UGT2A3: variants seen among roughly 807,000 people sequenced by gnomAD.
UGT2A3 encodes the protein UDP-glucuronosyltransferase 2A3.
In UGT2A3, 55 loss-of-function variants were observed where a neutral mutation model predicts 44.1. The ratio of observed to expected loss-of-function variants is 1.25; its 90% CI spans 1.00 to 1.56. UGT2A3 has a LOEUF of 1.56. Among genes scored for constraint, UGT2A3 ranks in the 40% most tolerant of loss-of-function variants. The pLI, the probability that UGT2A3 is intolerant of heterozygous loss-of-function variation, is 0.00. For missense variants in UGT2A3, 733 were observed against 621.6 expected, an observed-to-expected ratio of 1.18 and a Z score of -1.91; for synonymous variants, 243 against 215.1, an observed-to-expected ratio of 1.13 and a Z score of -1.13.
chr4:68,930,573 G>A lies in UGT2A3; in HGVS notation c.1277C>T (p.Ala426Val), dbSNP rs1350630437. Residue 426 changes from alanine to valine, a missense_variant, in exon 5 of 6, where the codon GCT (alanine) becomes GTT (valine). Ala to Val is a moderately conservative substitution (Grantham distance 64). Coordinates refer to ENST00000251566, the MANE Select transcript of UGT2A3 (RefSeq NM_024743.4). ...GGAATCGGTAATGACTGTTCTCAAA[G>A]CCCTCAGTAAATCTTCGCTTGTCAT... ...KTMTSEDLLR[A>V]LRTVITDSSY... 4 of 1,612,428 alleles carry A rather than the reference G, an allele frequency of 2.5e-6. No individual in the cohort carries two copies. Among genetic ancestry groups the A allele is most frequent in the Non-Finnish European group, 3.4e-6 (4 of 1,179,076 alleles).
At chr4:68,940,855 C>T (rs1383864946) in intron 2 of UGT2A3, among the ~76,000 whole-genome samples, 1 of 150,492 alleles carries the variant, frequency 6.6e-6, no homozygotes, top group Non-Finnish European at 1.5e-5. Flanking sequence ...AAAACAGATA[C>T]ATACACCAAT....
rs550051643 is a variant in UGT2A3, at chr4:68,942,077, C to T, written c.864+3229G>A. Reference sequence around the variant, plus strand: ...AGTAAGGAAAACGGTATGGTAGTTCCTCAAAAAATGAAAATAGAACTACCA... The same window carrying T: ...AGTAAGGAAAACGGTATGGTAGTTCTTCAAAAAATGAAAATAGAACTACCA... On this transcript the variant is annotated intron_variant, in intron 2 of 5. Transcript: ENST00000251566. Among the ~76,000 whole-genome samples the T allele has an allele frequency of 4.3e-3, 659 of 151,656 alleles. 6 individuals carry two copies. The highest frequency in any genetic ancestry group is 0.017 in the Middle Eastern group (5 of 294).
chr4:68,932,799 T>A (rs757165705), intron 2 of UGT2A3, 40 bp from the exon 3 acceptor site: 1 of 1,559,876 alleles, frequency 6.4e-7, no homozygotes. Context: ...AGGCATAATA[T>A]AACAAAAATT....
At chr4:68,949,238 C>T (rs1054132144) in intron 1 of UGT2A3, among the ~76,000 whole-genome samples, 8 of 151,796 alleles carry the variant, frequency 5.3e-5, no homozygotes, top group Non-Finnish European at 1.2e-4. Flanking sequence ...ACTCATTAAA[C>T]TTATTCCTTT....
rs1297596925 is a variant in UGT2A3 at position 68,928,794 on chromosome 4, C to A, written c.*1019G>T. On this transcript the variant is annotated 3_prime_UTR_variant, in exon 6 of 6. Transcript: ENST00000251566. ...TTAATATATAATACTATTTGTTATG[C>A]AGGTTTTCTAATACCTTAAATTTTT... is the stretch of plus-strand genomic sequence containing the variant. 1 of 151,782 alleles carries A rather than the reference C, an allele frequency of 6.6e-6. No homozygotes were observed. The highest frequency in any genetic ancestry group is 1.5e-5 in the Non-Finnish European group (1 of 67,882). The allele number at this position is 151,782 out of a possible 1,614,324, so 9.4% of individuals were successfully genotyped here.
At position 68,951,103 on chromosome 4, in the gene UGT2A3, A is replaced by T; in HGVS notation, c.658T>A (p.Phe220Ile). Residue 220 changes from phenylalanine (F) to isoleucine (I), a missense_variant, in exon 1 of 6, where the codon TTC becomes ATC. By Grantham distance (21) the Phe-to-Ile change is conservative. Coordinates refer to ENST00000251566, the MANE Select transcript of UGT2A3 (RefSeq NM_024743.4). ...TGATAGTCGTAATCCTGAATCCAGAAGTGGAACAAAACTGAAAGCATTGAA... is the reference window on the plus strand; with the variant it reads ...TGATAGTCGTAATCCTGAATCCAGATGTGGAACAAAACTGAAAGCATTGAA... ...KNSMLSVLFH[F>I]WIQDYDYHFW... The T allele has an allele frequency of 6.2e-7, 1 of 1,610,702 alleles. No homozygotes were observed. The highest frequency in any genetic ancestry group is 1.1e-5 in the South Asian group (1 of 90,654).
rs368209538 is a variant in UGT2A3, at chr4:68,931,356, A to G, written c.997-114T>C. 14 of 760,836 alleles carry G rather than the reference A, an allele frequency of 1.8e-5. No homozygotes were observed. The Admixed American group carries it at 3.4e-4, about 18-fold the overall frequency. 47.1% of individuals were successfully genotyped at this position (760,836 alleles called of 1,614,324 possible). A position where few individuals can be genotyped will look rare whatever the true frequency, so the allele number is the denominator to read the frequency against. Reference sequence around the variant, plus strand: ...TTGTACTTCAGGTGATGGTTGAGACAGGGGTGTGTAGAGCTACCGCGTAAA... The same window carrying G: ...TTGTACTTCAGGTGATGGTTGAGACGGGGGTGTGTAGAGCTACCGCGTAAA... On this transcript the variant is annotated intron_variant, in intron 3 of 5. Transcript: ENST00000251566.
chr4:68,930,438 G>T (rs1211002196), intron 5 of UGT2A3, 108 bp downstream of exon 5: 4 of 1,060,360 alleles, frequency 3.8e-6, no homozygotes, highest in Admixed American at 2.5e-5. Context: ...ACTCAATATT[G>T]TGGAGTAAAA....
chr4:68,937,836 T>C (rs1242993314), intron 2 of UGT2A3, among the ~76,000 whole-genome samples: 1 of 151,504 alleles, frequency 6.6e-6, no homozygotes, highest in East Asian at 1.9e-4. Flanking sequence ...AAGAATAAAA[T>C]AGAGAAAAAT....
At position 68,930,593 on chromosome 4, in the gene UGT2A3, T is replaced by C; in HGVS notation, c.1257A>G (p.Thr419=). The change falls in exon 5 of 6, where the codon ACA becomes ACG. Residue 419 remains threonine, a synonymous_variant. Transcript: ENST00000251566. ...TCAAAGCCCTCAGTAAATCTTCGCT[T>C]GTCATAGTTTTGAAGTTTATTTCTA... is the stretch of plus-strand genomic sequence containing the variant. ...AAVEINFKTM[T]SEDLLRALRT... 1 of 1,613,434 alleles carries C rather than the reference T, an allele frequency of 6.2e-7. No individual in the cohort carries two copies.
At chr4:68,948,338 C>A (rs1476433851) in intron 1 of UGT2A3, among the ~76,000 whole-genome samples, 1 of 151,492 alleles carries the variant, frequency 6.6e-6, no homozygotes, top group Admixed American at 6.6e-5. Flanking sequence ...AGGCTTCATG[C>A]AATTGAATAG....
chr4:68,948,856 G>A (rs894301476), intron 1 of UGT2A3, among the ~76,000 whole-genome samples: 5 of 151,758 alleles, frequency 3.3e-5, no homozygotes, highest in Non-Finnish European at 7.4e-5. Context: ...AAAGAAAAAG[G>A]TTTTTATTTG....
intron 2 of UGT2A3, among the ~76,000 whole-genome samples, chr4:68,943,097 T>A (rs1336048548): frequency 6.6e-6 from 1 of 151,778 alleles, no homozygotes; most frequent in African/African-American, 2.4e-5. Context: ...TATATCTCAA[T>A]TAAACTTGTA....
chr4:68,942,471 A>T (rs933825147), intron 2 of UGT2A3, among the ~76,000 whole-genome samples: 2 of 142,884 alleles, frequency 1.4e-5, no homozygotes, highest in Non-Finnish European at 3.0e-5. Context: ...ATTATATATT[A>T]ACTTTTTTAT....
chr4:68,931,183 A>T lies in UGT2A3; in HGVS notation c.1056T>A (p.Tyr352Ter). Residue 352 changes from tyrosine (Y) to a stop codon, truncating the protein, a stop_gained, in exon 4 of 6, where the codon TAT becomes TAA. Coordinates refer to ENST00000251566, the MANE Select transcript of UGT2A3 (RefSeq NM_024743.4). LOFTEE classifies it high-confidence loss of function. ...GAAGATCATTCTGGGGTATCCAATC[A>T]TACAGCCGAGTATTGGCTCCTAATG... Reference protein sequence around the residue: ...PSTLGANTRLYDWIPQNDLLG... With the variant: ...PSTLGANTRL The T allele has an allele frequency of 6.2e-7, 1 of 1,613,016 alleles. No individual in the cohort carries two copies. Among genetic ancestry groups the T allele is most frequent in the Admixed American group, 1.7e-5 (1 of 59,882 alleles).
intron 2 of UGT2A3, among the ~76,000 whole-genome samples, chr4:68,938,067 T>A (rs1034365266): frequency 6.9e-6 from 1 of 145,806 alleles, no homozygotes; most frequent in African/African-American, 2.5e-5. Flanking sequence ...GGCAATAATA[T>A]CCTACAAACC....
intron 2 of UGT2A3, among the ~76,000 whole-genome samples, chr4:68,933,709 G>A (rs1477650487): frequency 6.6e-6 from 1 of 151,992 alleles, no homozygotes; most frequent in Non-Finnish European, 1.5e-5. Flanking sequence ...ACAACTATCA[G>A]GTTAGTAACT....
chr4:68,951,265 A>C lies in UGT2A3; in HGVS notation c.496T>G (p.Phe166Val), dbSNP rs546651597. The C allele has an allele frequency of 1.9e-6, 3 of 1,611,732 alleles. No individual in the cohort carries two copies. The African/African-American group carries it at 4.0e-5, about 22-fold the overall frequency. The stretch of plus-strand genomic sequence containing the variant: ...ACAGAAATTCTAAGTGTGAGCACAA[A>C]AGGGACTGCAAGCAACTCAGCCATC... ...DLMAELLAVP[F>V]VLTLRISVGG... is the part of the protein sequence containing the mutation. Residue 166 changes from phenylalanine to valine, a missense_variant, in exon 1 of 6, where the codon TTT becomes GTT. Transcript: ENST00000251566.
chr4:68,932,229 G>A (rs527905481), intron 3 of UGT2A3, among the ~76,000 whole-genome samples: 17 of 150,388 alleles, frequency 1.1e-4, no homozygotes, highest in African/African-American at 3.9e-4. Context: ...CCTGAATACA[G>A]TTTTTATACA....
Sources: allele counts gnomAD v4.1 joint callset (sites outside exome capture counted in the v4.1 genomes callset), GRCh38; gene constraint gnomAD v4.1.1; transcripts MANE v1.5; gene names NCBI Gene and HGNC (gene_info 2026-07-23, HGNC 2026-07-21).